Variants in BNC2 observed in about 807,000 individuals in gnomAD.
BNC2 encodes the protein basonuclin zinc finger protein 2.
BNC2 carries 20 observed loss-of-function variants against 76.3 expected under a neutral mutation model. The ratio of observed to expected loss-of-function variants is 0.26; its 90% CI spans 0.18 to 0.38. The LOEUF (loss-of-function observed/expected upper bound fraction) is 0.38, where lower values mean the gene tolerates loss of function less well. BNC2 is among the 10% of genes least tolerant of loss of function. The pLI is 1.00. For synonymous variants in BNC2, 582 were observed against 514.8 expected (o/e 1.13, Z -1.77); for missense variants, 1,382 against 1,399.8 (o/e 0.99, Z 0.20).
intron 1 of BNC2, among the ~76,000 whole-genome samples, chr9:16,820,448 G>C (rs1313196806): frequency 1.3e-5 from 2 of 151,506 alleles, no homozygotes; most frequent in Non-Finnish European, 2.9e-5. Flanking sequence ...GCAATAATAA[G>C]GCCCAGAGAA....
intron 1 of BNC2, among the ~76,000 whole-genome samples, chr9:16,762,289 A>G (rs189656148): frequency 3.6e-4 from 55 of 152,330 alleles, no homozygotes; most frequent in African/African-American, 1.2e-3. Flanking sequence ...GGGCTGATGT[A>G]GGAAATACAA....
intron 3 of BNC2, chr9:16,685,612 G>C: frequency 7.7e-7 from 1 of 1,304,298 alleles, no homozygotes; most frequent in Non-Finnish European, 1.0e-6. Context: ...CACTCTGCCA[G>C]TACATGCCAA....
At chr9:16,694,272 C>A (rs1823269845) in intron 3 of BNC2, among the ~76,000 whole-genome samples, 1 of 152,008 alleles carries the variant, frequency 6.6e-6, no homozygotes, top group African/African-American at 2.4e-5. Context: ...TATGTTGTGG[C>A]ATCAGAAAGG....
chr9:16,795,853 G>C (rs1817632078), intron 1 of BNC2, among the ~76,000 whole-genome samples: 1 of 152,194 alleles, frequency 6.6e-6, no homozygotes, highest in Non-Finnish European at 1.5e-5. Flanking sequence ...AATCCTTGCA[G>C]AATGCCAGGG....
In BNC2 at chr9:16,412,656, C is replaced by T. The variant is rs1405267948; in HGVS notation, c.*6333G>A. 6.7e-6 allele frequency: 1 copy of T among 149,750 alleles called. No homozygotes were observed. The highest frequency in any genetic ancestry group is 2.0e-4 in the East Asian group (1 of 5,036). The allele number at this position is 149,750 out of a possible 1,614,324, so 9.3% of individuals were successfully genotyped here. A position where few individuals can be genotyped will look rare whatever the true frequency, so the allele number is the denominator to read the frequency against. Reference sequence around the variant, plus strand: ...GGCAGCCTTGGGCTTCCCACAGATACAGTAGGTGTGTGTATGTGCTTGTAT... The same window carrying T: ...GGCAGCCTTGGGCTTCCCACAGATATAGTAGGTGTGTGTATGTGCTTGTAT... On this transcript the variant is annotated 3_prime_UTR_variant, in exon 7 of 7. Coordinates refer to ENST00000380672, the MANE Select transcript of BNC2 (RefSeq NM_017637.6).
intron 5 of BNC2, among the ~76,000 whole-genome samples, chr9:16,545,844 G>C (rs562340596): frequency 1.3e-5 from 2 of 152,134 alleles, no homozygotes; most frequent in South Asian, 4.2e-4. Context: ...AGGAATCTAC[G>C]ATCCGAGAAA....
chr9:16,498,962 A>G (rs990357239), intron 5 of BNC2, among the ~76,000 whole-genome samples: 4 of 152,226 alleles, frequency 2.6e-5, no homozygotes, highest in Non-Finnish European at 5.9e-5. Flanking sequence ...AACTCTACAA[A>G]TACTAGACAG....
At chr9:16,656,307 A>G (rs1314034791) in intron 3 of BNC2, among the ~76,000 whole-genome samples, 2 of 152,204 alleles carry the variant, frequency 1.3e-5, no homozygotes, top group South Asian at 2.1e-4. Flanking sequence ...AGTGGTTACA[A>G]GAAAGGACAA....
chr9:16,742,385 A>C (rs1234166795), intron 1 of BNC2, among the ~76,000 whole-genome samples: 1 of 152,216 alleles, frequency 6.6e-6, no homozygotes, highest in Non-Finnish European at 1.5e-5. Flanking sequence ...AAGTCACACC[A>C]GCTTTCTGCC....
intron 5 of BNC2, among the ~76,000 whole-genome samples, chr9:16,498,871 G>A (rs942357842): frequency 1.3e-5 from 2 of 152,022 alleles, no homozygotes; most frequent in Admixed American, 6.6e-5. Flanking sequence ...GAGGAGGTGC[G>A]TGTCCCTGCC....
At chr9:16,776,298 G>A (rs1257941310) in intron 1 of BNC2, among the ~76,000 whole-genome samples, 6 of 151,952 alleles carry the variant, frequency 3.9e-5, no homozygotes, top group South Asian at 2.1e-4. Flanking sequence ...CCACCACCAC[G>A]CCCTGCTATT....
At chr9:16,687,041 C>G (rs1822999358) in intron 3 of BNC2, among the ~76,000 whole-genome samples, 1 of 151,776 alleles carries the variant, frequency 6.6e-6, no homozygotes, top group South Asian at 2.1e-4. Context: ...CCTCTCAACA[C>G]TCTTACGGAG....
At chr9:16,812,863 AT>A (rs1212611544) in intron 1 of BNC2, among the ~76,000 whole-genome samples, 9 of 152,350 alleles carry the variant, frequency 5.9e-5, no homozygotes, top group African/African-American at 1.7e-4. Context: ...ACTTAGTAGT[AT>A]ATTTTAGTGT....
intron 1 of BNC2, among the ~76,000 whole-genome samples, chr9:16,788,654 G>C (rs1055288885): frequency 2.0e-5 from 3 of 152,044 alleles, no homozygotes; most frequent in African/African-American, 7.2e-5. Context: ...ATTCTTGGTG[G>C]TGATATGGTA....
intron 3 of BNC2, among the ~76,000 whole-genome samples, chr9:16,718,303 T>C (rs964669448): frequency 9.2e-5 from 14 of 152,216 alleles, no homozygotes; most frequent in African/African-American, 3.1e-4. Context: ...CTCCCAGATG[T>C]TGGAGTTTGA....
intron 5 of BNC2, among the ~76,000 whole-genome samples, chr9:16,479,207 G>A (rs1408528757): frequency 1.4e-5 from 2 of 147,136 alleles, no homozygotes; most frequent in Admixed American, 6.9e-5. Context: ...AGCCCACTGC[G>A]CCACTGTACT....
chr9:16,511,663 A>G (rs953448715), intron 5 of BNC2, among the ~76,000 whole-genome samples: 6 of 152,024 alleles, frequency 3.9e-5, no homozygotes, highest in Non-Finnish European at 7.4e-5. Context: ...TTCTGAGCTC[A>G]AGGAATCCAT....
chr9:16,462,553 A>G (rs751059583), intron 5 of BNC2, among the ~76,000 whole-genome samples: 3 of 152,208 alleles, frequency 2.0e-5, no homozygotes, highest in Non-Finnish European at 4.4e-5. Context: ...AAAAAGCCCT[A>G]TCTAACACCA....
At position 16,664,713 on chromosome 9, in the gene BNC2, C is replaced by A. The variant is rs73645840; in HGVS notation, c.330+63084G>T. Reference sequence around the variant, plus strand: ...AGGAAAAAAACAAAAACAAAAAAAACAAAAAAAAACAAAAACAAAAAAAAA... The same window carrying A: ...AGGAAAAAAACAAAAACAAAAAAAAAAAAAAAAAACAAAAACAAAAAAAAA... On this transcript the variant is annotated intron_variant, in intron 3 of 6. Coordinates refer to ENST00000380672, the MANE Select transcript of BNC2 (RefSeq NM_017637.6). Among the ~76,000 whole-genome samples the A allele has an allele frequency of 9.7e-4, 139 of 143,548 alleles. No individual in the cohort carries two copies. The South Asian group carries it at 0.011, about 12-fold the overall frequency. The allele number at this position is 143,548 out of a possible 152,430, so 94.2% of individuals were successfully genotyped here.
Sources: gnomAD v4.1 joint callset for allele counts (sites outside exome capture counted in the v4.1 genomes callset) on GRCh38, gnomAD v4.1.1 for gene constraint, MANE v1.5 for transcripts, NCBI Gene and HGNC (gene_info 2026-07-23, HGNC 2026-07-21) for gene names.